Variants in COLEC10 observed in about 807,000 individuals in gnomAD.
COLEC10 encodes the protein collectin subfamily member 10.
Under a neutral mutation model 28.4 loss-of-function variants are expected in COLEC10, and 22 were observed. The ratio of observed to expected loss-of-function variants is 0.78; its 90% confidence interval spans 0.55 to 1.11. The LOEUF (loss-of-function observed/expected upper bound fraction) is 1.11, where lower values mean the gene tolerates loss of function less well. Ranked by LOEUF, COLEC10 falls within the 50% of genes least tolerant of loss-of-function variation. COLEC10 has a pLI of 0.00. For synonymous variants in COLEC10, 125 were observed against 116.1 expected (o/e 1.08, Z -0.49); for missense variants, 361 against 344.1 (o/e 1.05, Z -0.39).
chr8:119,010,134 C>T (rs929977204), intron 2 of COLEC10, among the ~76,000 whole-genome samples: 1 of 150,644 alleles, frequency 6.6e-6, no homozygotes, highest in Non-Finnish European at 1.5e-5. Context: ...CAGAATAGTT[C>T]CCCTGACTTA....
chr8:119,002,833 T>A (rs1813725997), intron 1 of COLEC10, among the ~76,000 whole-genome samples: 1 of 152,192 alleles, frequency 6.6e-6, no homozygotes, highest in African/African-American at 2.4e-5. Context: ...ATAGCATATA[T>A]CACTGAAGAC....
intron 3 of COLEC10, among the ~76,000 whole-genome samples, chr8:119,093,119 C>A (rs1042106461): frequency 6.6e-6 from 1 of 152,154 alleles, no homozygotes; most frequent in Admixed American, 6.5e-5. Flanking sequence ...AATATAATTT[C>A]TGTAGCCTTG....
chr8:119,065,690 A>G (rs1814940485), upstream of COLEC10, among the ~76,000 whole-genome samples: 2 of 151,592 alleles, frequency 1.3e-5, no homozygotes, highest in Non-Finnish European at 2.9e-5. Flanking sequence ...AACCCCAACC[A>G]TACTAAAAAT....
the COLEC10 span, among the ~76,000 whole-genome samples, chr8:118,971,127 T>C: frequency 1.3e-5 from 2 of 151,900 alleles, no homozygotes; most frequent in African/African-American, 4.8e-5. Flanking sequence ...CTCCTCATTA[T>C]GTAGGAGTGG....
At chr8:119,032,606 A>G (rs936679604) in intron 2 of COLEC10, among the ~76,000 whole-genome samples, 5 of 152,188 alleles carry the variant, frequency 3.3e-5, no homozygotes, top group East Asian at 3.9e-4. Flanking sequence ...GTTCTCTCAT[A>G]AACAAAGGCC....
chr8:119,101,882 A>G, intron 3 of COLEC10, among the ~76,000 whole-genome samples: 1 of 152,174 alleles, frequency 6.6e-6, no homozygotes, highest in East Asian at 1.9e-4. Context: ...AAGACACTAC[A>G]GTGTGCTAAC....
Position 119,097,701 on chromosome 8 carries a change from G to A in COLEC10, c.293-4647G>A, listed in dbSNP as rs552324756. ...TTCGTTAAACCACTGGTTAAAGACAGAAAGGTATAGCAGGAAAGTGGGATG... is the reference window on the plus strand; with the variant it reads ...TTCGTTAAACCACTGGTTAAAGACAAAAAGGTATAGCAGGAAAGTGGGATG... On this transcript the variant is annotated intron_variant, in intron 3 of 5. Transcript: ENST00000332843. Among the ~76,000 whole-genome samples the A allele has an allele frequency of 8.8e-3, 1,331 of 152,108 alleles. 20 individuals are homozygous for A. The highest frequency in any genetic ancestry group is 0.031 in the African/African-American group (1,267 of 41,514).
At chr8:119,026,640 C>T (rs1201849393) in intron 2 of COLEC10, among the ~76,000 whole-genome samples, 1 of 152,136 alleles carries the variant, frequency 6.6e-6, no homozygotes, top group African/African-American at 2.4e-5. Context: ...AGAGAACAGA[C>T]TCTGAAAATG....
rs189554174 is a variant in COLEC10, at chr8:119,036,968, T to C, written n.235+27415T>C. 6.6e-3 allele frequency among the ~76,000 whole-genome samples: 1,008 copies of C among 152,162 alleles called. 10 individuals carry two copies. The highest frequency in any genetic ancestry group is 0.012 in the Non-Finnish European group (786 of 67,976). On this transcript the variant is annotated intron_variant and non_coding_transcript_variant, in intron 2 of 6. Transcript: ENST00000521788. The stretch of plus-strand genomic sequence containing the variant: ...ACATCAATGTTGTTGGGGCTTCCCG[T>C]TGGCTAAAACCAAGCAGAAGCCAGA...
At chr8:119,014,868 A>G (rs1215623968) in intron 2 of COLEC10, among the ~76,000 whole-genome samples, 1 of 151,006 alleles carries the variant, frequency 6.6e-6, no homozygotes, top group Non-Finnish European at 1.5e-5. Flanking sequence ...AAGTCCACCA[A>G]AGGCATTCTT....
chr8:119,011,145 G>T (rs577046040), intron 2 of COLEC10, among the ~76,000 whole-genome samples: 48 of 151,068 alleles, frequency 3.2e-4, no homozygotes, highest in African/African-American at 1.2e-3. Context: ...GATTCATTTT[G>T]AGTTAATTTT....
At chr8:118,963,628 G>A in the COLEC10 span, among the ~76,000 whole-genome samples, 32 of 152,182 alleles carry the variant, frequency 2.1e-4, no homozygotes, top group Admixed American at 9.2e-4. Flanking sequence ...AGAAGAGTTC[G>A]AAATATCCTT....
At chr8:118,966,083 A>C in the COLEC10 span, among the ~76,000 whole-genome samples, 2 of 152,112 alleles carry the variant, frequency 1.3e-5, no homozygotes, top group African/African-American at 4.8e-5. Context: ...AAATGGAAAA[A>C]GACCAGATCT....
intron 2 of COLEC10, among the ~76,000 whole-genome samples, chr8:119,021,379 C>A (rs1759389881): frequency 6.6e-6 from 1 of 152,142 alleles, no homozygotes. Context: ...GAACTTGACT[C>A]CCTGCAGATG....
intron 2 of COLEC10, among the ~76,000 whole-genome samples, chr8:119,019,392 G>A (rs1255994325): frequency 6.6e-6 from 1 of 152,166 alleles, no homozygotes; most frequent in East Asian, 1.9e-4. Flanking sequence ...TGTATTCCAT[G>A]TGCTCTTGAA....
chr8:119,083,219 G>C (rs1028867502), intron 1 of COLEC10, among the ~76,000 whole-genome samples: 2 of 152,172 alleles, frequency 1.3e-5, no homozygotes, highest in East Asian at 3.8e-4. Context: ...ACACCATTCT[G>C]CTTTCCCCTG....
chr8:118,956,470 C>T, the COLEC10 span, among the ~76,000 whole-genome samples: 6 of 152,208 alleles, frequency 3.9e-5, no homozygotes, highest in Admixed American at 2.6e-4. Flanking sequence ...GAAAAATGAC[C>T]TCAGCAGTCC....
chr8:119,021,329 G>C (rs1002255505), intron 2 of COLEC10, among the ~76,000 whole-genome samples: 1 of 152,152 alleles, frequency 6.6e-6, no homozygotes, highest in African/African-American at 2.4e-5. Flanking sequence ...GGGCTGTGTA[G>C]CACTGCAGAC....
At chr8:119,081,612 T>G (rs1255657012) in intron 1 of COLEC10, among the ~76,000 whole-genome samples, 1 of 152,156 alleles carries the variant, frequency 6.6e-6, no homozygotes, top group African/African-American at 2.4e-5. Flanking sequence ...GACATTTTGA[T>G]GAACAATGAA....
Sources: allele counts gnomAD v4.1 joint callset (sites outside exome capture counted in the v4.1 genomes callset), GRCh38; gene constraint gnomAD v4.1.1; transcripts MANE v1.5; gene names NCBI Gene and HGNC (gene_info 2026-07-23, HGNC 2026-07-21).